The following HORMAD2 variants were observed in gnomAD, a reference collection of about 807,000 sequenced individuals.
HORMAD2 encodes the protein HORMA domain containing 2, also known as HORMA domain-containing protein 2.
Under a neutral mutation model 38.8 loss-of-function variants are expected in HORMAD2, and 45 were observed. The ratio of observed to expected loss-of-function variants is 1.16; its 90% CI spans 0.91 to 1.49. The LOEUF is 1.49. HORMAD2 is among the 40% of genes most tolerant of loss of function. The pLI is 0.00. For missense variants in HORMAD2, 338 were observed against 367.0 expected, an observed-to-expected ratio of 0.92 and a Z score of 0.65; for synonymous variants, 126 against 122.8, an observed-to-expected ratio of 1.03 and a Z score of -0.17.
At chr22:30,081,990 C>T (rs1237732986) in intron 1 of HORMAD2, among the ~76,000 whole-genome samples, 2 of 152,118 alleles carry the variant, frequency 1.3e-5, no homozygotes, top group Non-Finnish European at 2.9e-5. Context: ...ATTCTCTGTT[C>T]TTCCCCCCAC....
At chr22:30,104,300 T>A (rs2146093972) in intron 4 of HORMAD2, 101 bp from the exon 5 acceptor site, 1 of 857,084 alleles carries the variant, frequency 1.2e-6, no homozygotes, top group East Asian at 2.5e-5. Flanking sequence ...GGTTATCAAC[T>A]TAATGTACAT....
chr22:30,182,201 T>G, the HORMAD2 span, among the ~76,000 whole-genome samples: 2 of 152,232 alleles, frequency 1.3e-5, no homozygotes, highest in African/African-American at 4.8e-5. Flanking sequence ...ATCAGCTTCC[T>G]TATCTGTGAA....
intron 7 of HORMAD2, among the ~76,000 whole-genome samples, chr22:30,115,742 G>T (rs1408880005): frequency 6.6e-6 from 1 of 152,156 alleles, no homozygotes. Flanking sequence ...TAGACATAGT[G>T]CTATGAAGAA....
At chr22:30,092,121 T>C (rs2068700041) in intron 1 of HORMAD2, among the ~76,000 whole-genome samples, 1 of 151,222 alleles carries the variant, frequency 6.6e-6, no homozygotes, top group African/African-American at 2.4e-5. Flanking sequence ...CCTCAGGTGA[T>C]CCACCCACCT....
chr22:30,146,300 G>C (rs1426159607), intron 10 of HORMAD2, among the ~76,000 whole-genome samples: 1 of 152,054 alleles, frequency 6.6e-6, no homozygotes, highest in African/African-American at 2.4e-5. Flanking sequence ...AGACCATCCT[G>C]TCCAACATGG....
At chr22:30,155,076 T>TAAA (rs76739346) in intron 10 of HORMAD2, among the ~76,000 whole-genome samples, 74 of 138,060 alleles carry the variant, frequency 5.4e-4, no homozygotes, top group African/African-American at 1.9e-3. Flanking sequence ...TTGCTTTTTT[T>TAAA]AAAAAAAAAA....
the HORMAD2 span, among the ~76,000 whole-genome samples, chr22:30,197,200 A>C: frequency 5.3e-5 from 8 of 150,518 alleles, no homozygotes; most frequent in Non-Finnish European, 1.0e-4. Flanking sequence ...AAAGGGTTGG[A>C]TTTTCTCTTT....
the HORMAD2 span, among the ~76,000 whole-genome samples, chr22:30,190,143 T>C: frequency 6.6e-6 from 1 of 152,188 alleles, no homozygotes; most frequent in Non-Finnish European, 1.5e-5. Context: ...GGGATAATCA[T>C]TCTTTACAAG....
At chr22:30,115,980 ATCGCAGT>A (rs1301672404) in intron 7 of HORMAD2, among the ~76,000 whole-genome samples, 5 of 152,352 alleles carry the variant, frequency 3.3e-5, no homozygotes, top group African/African-American at 1.2e-4. Context: ...TTGGCGTCAA[ATCGCAGT>A]TCTACCACTT....
chr22:30,137,087 A>G, intron 10 of HORMAD2: 3 of 360,204 alleles, frequency 8.3e-6, no homozygotes, highest in Middle Eastern at 5.7e-4. Context: ...TAGTCTTGAC[A>G]TCAATGTGAA....
At chr22:30,199,388 C>G in the HORMAD2 span, among the ~76,000 whole-genome samples, 1 of 152,234 alleles carries the variant, frequency 6.6e-6, no homozygotes, top group Non-Finnish European at 1.5e-5. Flanking sequence ...GCCAGGATCT[C>G]TCTGGGTAGA....
intron 2 of HORMAD2, 77 bp from the exon 3 acceptor site, chr22:30,098,775 C>A (rs1292691434): frequency 8.2e-7 from 1 of 1,218,116 alleles, no homozygotes; most frequent in Non-Finnish European, 1.1e-6. Flanking sequence ...ATCTTTTCAT[C>A]ATATATGTGG....
chr22:30,098,128 G>A (rs1920923417), intron 2 of HORMAD2, among the ~76,000 whole-genome samples: 1 of 152,110 alleles, frequency 6.6e-6, no homozygotes, highest in African/African-American at 2.4e-5. Flanking sequence ...AAGTGGTTTA[G>A]GTGCAGATGT....
At chr22:30,078,239 A>G (rs1471498069), upstream of HORMAD2, among the ~76,000 whole-genome samples, 1 of 152,220 alleles carries the variant, frequency 6.6e-6, no homozygotes, top group Non-Finnish European at 1.5e-5. Context: ...ACTCCGCCAG[A>G]TCAGGCCTCT....
intron 10 of HORMAD2, among the ~76,000 whole-genome samples, chr22:30,123,861 G>A (rs1473526322): frequency 6.7e-6 from 1 of 150,216 alleles, no homozygotes; most frequent in Non-Finnish European, 1.5e-5. Flanking sequence ...TTAGAGACAG[G>A]GTCTCCCTAT....
At position 30,176,083 on chromosome 22, in the gene HORMAD2, G is replaced by A. The variant is rs183689614; in HGVS notation, c.840G>A (p.Val280=). 3.5e-5 allele frequency: 57 copies of A among 1,612,626 alleles called. No individual in the cohort carries two copies. The highest frequency in any genetic ancestry group is 4.2e-5 in the Non-Finnish European group (49 of 1,178,852). ...CNDHIQRMNF[V]CSQQSSECSR... is the part of the protein sequence containing the mutation. The stretch of plus-strand genomic sequence containing the variant: ...CACAGATTCAAAGAATGAATTTTGT[G>A]TGCAGTCAGCAAAGTTCTGAGTGCT... Residue 280 remains valine (V), a synonymous_variant, in exon 11 of 11, where the codon GTG becomes GTA. Transcript: ENST00000336726.
rs541016356 is a variant in HORMAD2, at chr22:30,160,659, C to T, written c.820-15404C>T. 1.3e-3 allele frequency among the ~76,000 whole-genome samples: 192 copies of T among 152,162 alleles called. 1 individual carries two copies. Among genetic ancestry groups the T allele is most frequent in the African/African-American group, 4.5e-3 (188 of 41,502 alleles). ...AGTTTCACTATATACCTTTATATTACCTTTTGAATTGCATATTATGTAAAT... is the reference window on the plus strand; with the variant it reads ...AGTTTCACTATATACCTTTATATTATCTTTTGAATTGCATATTATGTAAAT... On this transcript the variant is annotated intron_variant, in intron 10 of 10. Transcript: ENST00000336726.
At chr22:30,179,467 A>G (rs2123756897), downstream of HORMAD2, among the ~76,000 whole-genome samples, 1 of 152,298 alleles carries the variant, frequency 6.6e-6, no homozygotes, top group East Asian at 1.9e-4. Context: ...GAAGGAGGAC[A>G]CCCTTGTCTT....
chr22:30,123,860 G>A lies in HORMAD2; in HGVS notation c.819+1646G>A, dbSNP rs1922635168. On this transcript the variant is annotated intron_variant, in intron 10 of 10. Transcript: ENST00000336726. ...TTATTTTTTATTTTTTTTAGAGACA[G>A]GGTCTCCCTATGTTGTCCAGGCTGA... is the stretch of plus-strand genomic sequence containing the variant. 3.3e-5 allele frequency among the ~76,000 whole-genome samples: 5 copies of A among 151,218 alleles called. 1 individual carries two copies. In the South Asian group the frequency reaches 6.3e-4, roughly 19 times the overall value.
Sources: allele counts gnomAD v4.1 joint callset (sites outside exome capture counted in the v4.1 genomes callset), GRCh38; gene constraint gnomAD v4.1.1; transcripts MANE v1.5; gene names NCBI Gene and HGNC (gene_info 2026-07-23, HGNC 2026-07-21).